CPED1: variants seen among roughly 807,000 people sequenced by gnomAD.
CPED1 encodes the protein cadherin-like and PC-esterase domain-containing protein 1.
In CPED1, 114 loss-of-function variants were observed where a neutral mutation model predicts 128.2. That is an observed-to-expected ratio of 0.89 (90% CI 0.76 to 1.04). The LOEUF is 1.04. CPED1 is among the 50% of genes least tolerant of loss of function. The probability of loss-of-function intolerance (pLI) is 0.00; values close to 1 mark genes in which losing one functional copy is unlikely to be tolerated. For missense variants in CPED1, 1,211 were observed against 1,207.1 expected (o/e 1.00, Z -0.05); for synonymous variants, 462 against 426.7 (o/e 1.08, Z -1.02).
chr7:121,202,765 T>A (rs1282928088), intron 16 of CPED1, among the ~76,000 whole-genome samples: 2 of 152,094 alleles, frequency 1.3e-5, no homozygotes, highest in African/African-American at 4.8e-5. Context: ...AGTAAATTAA[T>A]AGATACCCAT....
At chr7:121,174,503 T>G (rs1243544065) in intron 16 of CPED1, among the ~76,000 whole-genome samples, 2 of 151,992 alleles carry the variant, frequency 1.3e-5, no homozygotes, top group African/African-American at 2.4e-5. Context: ...CTTTTTTTTT[T>G]GTCAGCTTTG....
intron 5 of CPED1, among the ~76,000 whole-genome samples, chr7:121,075,368 G>A (rs990450866): frequency 2.9e-4 from 44 of 152,064 alleles, no homozygotes; most frequent in African/African-American, 8.0e-4. Context: ...GTATACTACC[G>A]TTAATTTTAT....
At chr7:121,211,092 T>TA (rs1332600367) in intron 16 of CPED1, among the ~76,000 whole-genome samples, 2 of 152,108 alleles carry the variant, frequency 1.3e-5, no homozygotes, top group Non-Finnish European at 2.9e-5. Flanking sequence ...ATGACCTTTC[T>TA]AAGAATTATT....
intron 16 of CPED1, among the ~76,000 whole-genome samples, chr7:121,203,666 A>ATTTTCTTC (rs1797454268): frequency 6.6e-6 from 1 of 152,100 alleles, no homozygotes; most frequent in South Asian, 2.1e-4. Flanking sequence ...GTGCTGAGGA[A>ATTTTCTTC]ACTCTGAATT....
At chr7:121,122,990 T>A (rs1414504172) in intron 7 of CPED1, among the ~76,000 whole-genome samples, 1 of 152,194 alleles carries the variant, frequency 6.6e-6, no homozygotes, top group Non-Finnish European at 1.5e-5. Flanking sequence ...ACACAAACCT[T>A]TCTACATAAT....
chr7:121,043,239 G>T (rs1340700410), intron 3 of CPED1, among the ~76,000 whole-genome samples: 1 of 152,104 alleles, frequency 6.6e-6, no homozygotes, highest in East Asian at 1.9e-4. Flanking sequence ...CTCCAACTGG[G>T]AAGAAGAGAT....
chr7:121,226,270 A>G (rs1373311189), intron 16 of CPED1, among the ~76,000 whole-genome samples: 3 of 152,000 alleles, frequency 2.0e-5, no homozygotes, highest in Non-Finnish European at 4.4e-5. Flanking sequence ...GTTTGCTAGA[A>G]GTCCACTCCA....
At chr7:121,170,085 C>T (rs1407686981) in intron 16 of CPED1, among the ~76,000 whole-genome samples, 1 of 152,156 alleles carries the variant, frequency 6.6e-6, no homozygotes, top group East Asian at 1.9e-4. Flanking sequence ...GCCATGCCTG[C>T]CACCTCACAA....
At chr7:121,211,600 T>A (rs978907183) in intron 16 of CPED1, among the ~76,000 whole-genome samples, 3 of 152,124 alleles carry the variant, frequency 2.0e-5, no homozygotes, top group Non-Finnish European at 4.4e-5. Context: ...GCTTGAACTA[T>A]CACAGGGCTG....
At chr7:121,036,509 T>A (rs56368607) in intron 3 of CPED1, among the ~76,000 whole-genome samples, 61,992 of 114,562 alleles carry the variant, frequency 0.54, 14,552 homozygotes, top group Middle Eastern at 0.62. Flanking sequence ...ATATATATAT[T>A]TTTTTTTTCT....
At chr7:120,994,845 G>C (rs1436476685) in intron 2 of CPED1, among the ~76,000 whole-genome samples, 2 of 152,162 alleles carry the variant, frequency 1.3e-5, no homozygotes, top group Non-Finnish European at 2.9e-5. Context: ...GAGAGAAAGT[G>C]AGAAAACACA....
In CPED1 at chr7:121,126,977, A is replaced by G. The variant is rs566261139; in HGVS notation, c.1135-113A>G. Reference sequence around the variant, plus strand: ...TGTTGACTTCCAAAAAGACCACTAGATGTCAGTTCTGATCTATAATCCAAC... The same window carrying G: ...TGTTGACTTCCAAAAAGACCACTAGGTGTCAGTTCTGATCTATAATCCAAC... On this transcript the variant is annotated intron_variant, in intron 9 of 22. Coordinates refer to ENST00000310396, the MANE Select transcript of CPED1 (RefSeq NM_024913.5). 9 of 701,578 alleles carry G rather than the reference A, an allele frequency of 1.3e-5. No individual in the cohort carries two copies. In the South Asian group the frequency reaches 2.5e-4, roughly 19 times the overall value. 43.5% of individuals were successfully genotyped at this position (701,578 alleles called of 1,614,324 possible).
intron 16 of CPED1, among the ~76,000 whole-genome samples, chr7:121,144,386 G>T (rs1198999349): frequency 6.6e-6 from 1 of 152,042 alleles, no homozygotes; most frequent in Non-Finnish European, 1.5e-5. Context: ...ATTTGCAACA[G>T]CATGGATGGA....
rs140588976 is a variant in CPED1 at position 121,149,529 on chromosome 7, C to G, written c.2055+7388C>G. The G allele has an allele frequency of 1.1e-4, 17 of 152,346 alleles. No homozygotes were observed. In the East Asian group the frequency reaches 2.3e-3, roughly 21 times the overall value. 9.4% of individuals were successfully genotyped at this position (152,346 alleles called of 1,614,324 possible). A position where few individuals can be genotyped will look rare whatever the true frequency, so the allele number is the denominator to read the frequency against. Reference sequence around the variant, plus strand: ...TTTTGCATGTTTCTCCAACTCACATCTGCTTCCTCTGCTAGAAGAAGCAAA... The same window carrying G: ...TTTTGCATGTTTCTCCAACTCACATGTGCTTCCTCTGCTAGAAGAAGCAAA... On this transcript the variant is annotated intron_variant, in intron 16 of 22. Transcript: ENST00000310396.
chr7:121,031,391 G>T (rs952060933), intron 3 of CPED1, among the ~76,000 whole-genome samples: 1 of 152,014 alleles, frequency 6.6e-6, no homozygotes, highest in Non-Finnish European at 1.5e-5. Flanking sequence ...AGGTTCAAGC[G>T]ATTCTCCTGC....
chr7:121,210,971 A>G (rs1296667212), intron 16 of CPED1, among the ~76,000 whole-genome samples: 1 of 152,046 alleles, frequency 6.6e-6, no homozygotes, highest in Non-Finnish European at 1.5e-5. Context: ...AATAAAAAAA[A>G]TTAAAACACA....
intron 3 of CPED1, 50 bp from the exon 4 acceptor site, chr7:121,046,837 T>A: frequency 1.6e-6 from 2 of 1,231,922 alleles, no homozygotes; most frequent in Non-Finnish European, 2.3e-6. Context: ...ATATTGCTTT[T>A]AAAATATCTG....
At chr7:121,214,486 G>A (rs114019576) in intron 16 of CPED1, among the ~76,000 whole-genome samples, 1 of 151,938 alleles carries the variant, frequency 6.6e-6, no homozygotes, top group East Asian at 1.9e-4. Context: ...TAGAGATGAG[G>A]TGTTGCCGTA....
intron 5 of CPED1, among the ~76,000 whole-genome samples, chr7:121,065,439 A>T (rs1793807661): frequency 6.6e-6 from 1 of 152,136 alleles, no homozygotes; most frequent in Non-Finnish European, 1.5e-5. Context: ...ATTTTCGTTA[A>T]TACAATATTA....
Sources: gnomAD v4.1 joint callset for allele counts (sites outside exome capture counted in the v4.1 genomes callset) on GRCh38, gnomAD v4.1.1 for gene constraint, MANE v1.5 for transcripts, NCBI Gene and HGNC (gene_info 2026-07-23, HGNC 2026-07-21) for gene names.